PCDHGA5: variants seen among roughly 807,000 people sequenced by gnomAD.
PCDHGA5 encodes protocadherin gamma subfamily A, 5.
PCDHGA5 carries 36 observed loss-of-function variants against 56.7 expected under a neutral mutation model. That is an observed-to-expected ratio of 0.64 (90% CI 0.49 to 0.84). The LOEUF is 0.84. Among genes scored for constraint, PCDHGA5 ranks in the 40% least tolerant of loss-of-function variants. PCDHGA5 has a pLI of 0.00. For synonymous variants in PCDHGA5, 563 were observed against 520.2 expected (o/e 1.08, Z -1.12); for missense variants, 1,305 against 1,201.5 (o/e 1.09, Z -1.27).
intron 1 of PCDHGA5, among the ~76,000 whole-genome samples, chr5:141,447,779 A>T (rs770299374): frequency 2.0e-5 from 3 of 152,210 alleles, no homozygotes; most frequent in Non-Finnish European, 4.4e-5. Flanking sequence ...ACTTTAATTG[A>T]AAATAAATTT....
In PCDHGA5 at chr5:141,471,102, G is replaced by A. The variant is rs922174682; in HGVS notation, c.2422-23705G>A. 3.4e-5 allele frequency among the ~76,000 whole-genome samples: 5 copies of A among 146,522 alleles called. No individual in the cohort carries two copies. The Admixed American group carries it at 3.5e-4, about 10-fold the overall frequency. On this transcript the variant is annotated intron_variant, in intron 1 of 3. Coordinates refer to ENST00000518069, the MANE Select transcript of PCDHGA5 (RefSeq NM_018918.3). ...CTCCCTCTGTTGTCCAGGCTAGAGTGCAGTGGTGCGATCTTACCTTCACTG... is the reference window on the plus strand; with the variant it reads ...CTCCCTCTGTTGTCCAGGCTAGAGTACAGTGGTGCGATCTTACCTTCACTG...
In PCDHGA5 at chr5:141,366,661, C is replaced by A. The variant is rs976652914; in HGVS notation, c.2331C>A (p.Asp777Glu). The A allele has an allele frequency of 1.2e-6, 2 of 1,614,268 alleles. No individual in the cohort carries two copies. The highest frequency in any genetic ancestry group is 3.3e-5 in the Admixed American group (2 of 60,036). ...TCTTTCCCCAGCCCAACTACGCAGA[C>A]ACGCTCCTTAGTGAAGAGAGCTGTG... is the stretch of plus-strand genomic sequence containing the variant. Reference protein sequence around the residue: ...HLIFPQPNYADTLLSEESCEK... With the variant: ...HLIFPQPNYAETLLSEESCEK... The change falls in exon 1 of 4, where the codon GAC becomes GAA. Residue 777 changes from aspartate to glutamate, a missense_variant. Asp to Glu is a conservative substitution (Grantham distance 45, BLOSUM62 2). Transcript: ENST00000518069.
At chr5:141,418,328 G>A (rs1298044571) in intron 1 of PCDHGA5, 1 of 1,614,002 alleles carries the variant, frequency 6.2e-7, no homozygotes, top group Non-Finnish European at 8.5e-7. Flanking sequence ...TCTTGAGTCT[G>A]CAGAAGATCC....
chr5:141,437,518 T>C (rs1482415074), intron 1 of PCDHGA5, among the ~76,000 whole-genome samples: 1 of 152,210 alleles, frequency 6.6e-6, no homozygotes, highest in African/African-American at 2.4e-5. Flanking sequence ...ATAAGGCTGA[T>C]GACAAATGAG....
intron 1 of PCDHGA5, among the ~76,000 whole-genome samples, chr5:141,455,419 G>A (rs1462099602): frequency 6.6e-6 from 1 of 152,124 alleles, no homozygotes; most frequent in Non-Finnish European, 1.5e-5. Context: ...AGGGAGCGGG[G>A]CTCCAAAAGA....
chr5:141,366,024 C>A lies in PCDHGA5; in HGVS notation c.1694C>A (p.Pro565His). 1 of 1,614,260 alleles carries A rather than the reference C, an allele frequency of 6.2e-7. No homozygotes were observed. Among genetic ancestry groups the A allele is most frequent in the Non-Finnish European group, 8.5e-7 (1 of 1,180,050 alleles). ...GACAATACGCCTGAGATCCTGTACCCCGCCCTCCCCACAGACGGTTCCACG... is the reference window on the plus strand; with the variant it reads ...GACAATACGCCTGAGATCCTGTACCACGCCCTCCCCACAGACGGTTCCACG... ...QNDNTPEILYPALPTDGSTGV... is the reference protein window; with the variant it reads ...QNDNTPEILYHALPTDGSTGV... The change falls in exon 1 of 4, where the codon CCC becomes CAC. Residue 565 changes from proline (P) to histidine (H), a missense_variant. Coordinates refer to ENST00000518069, the MANE Select transcript of PCDHGA5 (RefSeq NM_018918.3).
intron 1 of PCDHGA5, chr5:141,388,068 C>T (rs562398369): frequency 8.0e-6 from 11 of 1,373,194 alleles, no homozygotes; most frequent in Non-Finnish European, 1.1e-5. Flanking sequence ...CCAGGAGTTA[C>T]CGACTCGAAA....
intron 1 of PCDHGA5, chr5:141,441,162 G>T (rs1009205566): frequency 6.6e-6 from 1 of 152,166 alleles, no homozygotes; most frequent in African/African-American, 2.4e-5. Context: ...TCCTAGAGGC[G>T]ATTTTTACTT....
At chr5:141,403,120 C>G (rs2094357495) in intron 1 of PCDHGA5, 3 of 1,614,050 alleles carry the variant, frequency 1.9e-6, no homozygotes, top group South Asian at 2.2e-5. Context: ...CTCTGGAGCC[C>G]CGGGAGCTGG....
intron 1 of PCDHGA5, chr5:141,409,788 C>T (rs1224847553): frequency 3.1e-6 from 5 of 1,612,138 alleles, no homozygotes; most frequent in Admixed American, 1.7e-5. Flanking sequence ...CGCGCCTTCG[C>T]GCTCACGCTG....
intron 3 of PCDHGA5, among the ~76,000 whole-genome samples, chr5:141,506,567 T>G (rs2099855029): frequency 6.6e-6 from 1 of 152,182 alleles, no homozygotes; most frequent in Non-Finnish European, 1.5e-5. Flanking sequence ...CCCCCTCGGT[T>G]TCACTTACTA....
chr5:141,455,542 C>T (rs2154565110), intron 1 of PCDHGA5, among the ~76,000 whole-genome samples: 1 of 152,246 alleles, frequency 6.6e-6, no homozygotes, highest in African/African-American at 2.4e-5. Flanking sequence ...ATATCATTCA[C>T]GTAGCCCGAG....
In PCDHGA5 at chr5:141,389,878, G is replaced by A. The variant is rs1369885786; in HGVS notation, c.2421+23127G>A. On this transcript the variant is annotated intron_variant, in intron 1 of 3. Coordinates refer to ENST00000518069, the MANE Select transcript of PCDHGA5 (RefSeq NM_018918.3). ...ACGTTGCACCTGGTCTTCGCCGACA[G>A]CTTGCAGGAGGTGCTGCCGGATATC... The A allele has an allele frequency of 6.2e-7, 1 of 1,613,972 alleles. No individual in the cohort carries two copies. The highest frequency in any genetic ancestry group is 1.3e-5 in the African/African-American group (1 of 74,952).
intron 1 of PCDHGA5, chr5:141,408,948 T>C (rs768951087): frequency 6.2e-7 from 1 of 1,613,478 alleles, no homozygotes; most frequent in Non-Finnish European, 8.5e-7. Context: ...GAATATAGAA[T>C]TAGTCTTAGT....
Position 141,477,783 on chromosome 5 carries a change from T to C in PCDHGA5, c.2422-17024T>C. 1 of 1,614,078 alleles carries C rather than the reference T, an allele frequency of 6.2e-7. No individual in the cohort carries two copies. Among genetic ancestry groups the C allele is most frequent in the Non-Finnish European group, 8.5e-7 (1 of 1,180,028 alleles). On this transcript the variant is annotated intron_variant, in intron 1 of 3. Coordinates refer to ENST00000518069, the MANE Select transcript of PCDHGA5 (RefSeq NM_018918.3). The surrounding 1 kb of genome is among the most constrained non-coding windows in gnomAD (Gnocchi z 4.9). ...GCCACCAACATCAGCGTGAACATAT[T>C]TGTCACTGATCGCAATGACAATGCC...
chr5:141,491,616 C>T lies in PCDHGA5; in HGVS notation c.2422-3191C>T. 1 of 1,613,944 alleles carries T rather than the reference C, an allele frequency of 6.2e-7. No homozygotes were observed. Among genetic ancestry groups the T allele is most frequent in the South Asian group, 1.1e-5 (1 of 91,082 alleles). On this transcript the variant is annotated intron_variant, in intron 1 of 3. Coordinates refer to ENST00000518069, the MANE Select transcript of PCDHGA5 (RefSeq NM_018918.3). The surrounding 1 kb of genome is among the most constrained non-coding windows in gnomAD (Gnocchi z 6.9). ...GCAGTGACTTCACTTTTCTAAGACC[C>T]CTCAGCGTTCAGCAGCCCACAGCTC...
At chr5:141,413,257 T>A (rs777964429) in intron 1 of PCDHGA5, 1 of 1,613,836 alleles carries the variant, frequency 6.2e-7, no homozygotes, top group African/African-American at 1.3e-5. Flanking sequence ...CGGGATTCCA[T>A]GGGAGGCTGG....
chr5:141,436,095 GA>G (rs2097795730), intron 1 of PCDHGA5, among the ~76,000 whole-genome samples: 2 of 152,112 alleles, frequency 1.3e-5, no homozygotes, highest in Non-Finnish European at 2.9e-5. Context: ...AATATTGAGA[GA>G]AATAGAGGAC....
chr5:141,409,143 G>A (rs778597273), intron 1 of PCDHGA5: 1 of 1,613,868 alleles, frequency 6.2e-7, no homozygotes, highest in African/African-American at 1.3e-5. Flanking sequence ...GATGTAGAAA[G>A]GTACACCATG....
Sources: allele counts gnomAD v4.1 joint callset (sites outside exome capture counted in the v4.1 genomes callset), GRCh38; gene constraint gnomAD v4.1.1; non-coding constraint Gnocchi (gnomAD v3.1); transcripts MANE v1.5; gene names NCBI Gene and HGNC (gene_info 2026-07-23, HGNC 2026-07-21).